Variants in MMP16 observed in about 807,000 individuals in gnomAD.
MMP16 encodes the protein matrix metalloproteinase-16.
In MMP16, 12 loss-of-function variants were observed where a neutral mutation model predicts 67.8. The observed-to-expected ratio is 0.18, with a 90% CI of 0.11 to 0.29. The LOEUF (loss-of-function observed/expected upper bound fraction) is 0.29, where lower values mean the gene tolerates loss of function less well. MMP16 is among the 10% of genes least tolerant of loss of function. The pLI is 1.00. For missense variants in MMP16, 475 were observed against 765.7 expected (o/e 0.62, Z 4.48); for synonymous variants, 249 against 255.9 (o/e 0.97, Z 0.26).
At chr8:88,162,653 G>A (rs531052192) in intron 4 of MMP16, among the ~76,000 whole-genome samples, 2 of 152,126 alleles carry the variant, frequency 1.3e-5, no homozygotes, top group Non-Finnish European at 2.9e-5. Flanking sequence ...TACTGTAGGA[G>A]GGGCCTGGTG....
chr8:88,214,859 C>T (rs557102935), intron 1 of MMP16, among the ~76,000 whole-genome samples: 1 of 152,288 alleles, frequency 6.6e-6, no homozygotes, highest in African/African-American at 2.4e-5. Context: ...TCCCTGTTTA[C>T]TGCCAGTGTG....
intron 4 of MMP16, among the ~76,000 whole-genome samples, chr8:88,119,720 T>C (rs768074650): frequency 3.9e-5 from 6 of 152,072 alleles, no homozygotes; most frequent in Non-Finnish European, 8.8e-5. Context: ...TGGTCTTACA[T>C]CTATATTTTT....
intron 1 of MMP16, among the ~76,000 whole-genome samples, chr8:88,265,247 A>G (rs537481733): frequency 3.7e-4 from 23 of 61,626 alleles, no homozygotes; most frequent in Admixed American, 1.6e-3. Context: ...TTTTTTTCAG[A>G]TACAGACAGA....
intron 1 of MMP16, among the ~76,000 whole-genome samples, chr8:88,289,299 G>T (rs919360038): frequency 1.3e-5 from 2 of 152,148 alleles, no homozygotes. Flanking sequence ...TATCATCTTT[G>T]TATGTTACTA....
intron 6 of MMP16, among the ~76,000 whole-genome samples, chr8:88,100,004 G>A (rs909163335): frequency 2.0e-5 from 3 of 151,854 alleles, no homozygotes; most frequent in African/African-American, 7.2e-5. Context: ...TGTCAGATGA[G>A]TAGATTGCAA....
chr8:88,217,188 GA>G (rs1198055723), intron 1 of MMP16, among the ~76,000 whole-genome samples: 1 of 152,002 alleles, frequency 6.6e-6, no homozygotes, highest in Non-Finnish European at 1.5e-5. Flanking sequence ...ATTTCTCTAA[GA>G]AGCCAGCTGC....
chr8:88,093,169 A>G lies in MMP16; in HGVS notation c.1084-18426T>C, dbSNP rs534969006. On this transcript the variant is annotated intron_variant, in intron 6 of 9. Coordinates refer to ENST00000286614, the MANE Select transcript of MMP16 (RefSeq NM_005941.5). ...GAAAACTTAACACATGTAACAATGTACAATATCAACTACATGCTAGCAAAA... is the reference window on the plus strand; with the variant it reads ...GAAAACTTAACACATGTAACAATGTGCAATATCAACTACATGCTAGCAAAA... Among the ~76,000 whole-genome samples, 236 of 151,982 alleles carry G rather than the reference A, an allele frequency of 1.6e-3. 2 individuals are homozygous for G. The highest frequency in any genetic ancestry group is 3.0e-3 in the Non-Finnish European group (201 of 67,854).
intron 2 of MMP16, among the ~76,000 whole-genome samples, chr8:88,196,946 G>A (rs144378576): frequency 6.6e-6 from 1 of 152,206 alleles, no homozygotes; most frequent in Non-Finnish European, 1.5e-5. Context: ...TTGAAACTAT[G>A]TTGCTAAAAT....
intron 3 of MMP16, among the ~76,000 whole-genome samples, chr8:88,185,702 T>A (rs1284965359): frequency 6.6e-6 from 1 of 152,170 alleles, no homozygotes; most frequent in Non-Finnish European, 1.5e-5. Context: ...TTCCTTCCTA[T>A]GGGTCTTAGT....
intron 1 of MMP16, among the ~76,000 whole-genome samples, chr8:88,289,059 GGTTA>G (rs1810878387): frequency 6.6e-6 from 1 of 152,110 alleles, no homozygotes; most frequent in Admixed American, 6.5e-5. Context: ...CCCAAGTATG[GGTTA>G]GTTAGATAAT....
intron 1 of MMP16, among the ~76,000 whole-genome samples, chr8:88,292,231 C>G (rs1184950948): frequency 1.3e-5 from 2 of 152,154 alleles, no homozygotes; most frequent in Non-Finnish European, 2.9e-5. Flanking sequence ...GTTCAAACCT[C>G]TCTGTGTTAA....
At chr8:88,180,730 T>A (rs1808966430) in intron 3 of MMP16, among the ~76,000 whole-genome samples, 1 of 151,396 alleles carries the variant, frequency 6.6e-6, no homozygotes, top group Non-Finnish European at 1.5e-5. Context: ...CAGATAAAGA[T>A]ACAAAAAAAA....
At chr8:88,130,589 T>C (rs758987283) in intron 4 of MMP16, among the ~76,000 whole-genome samples, 10 of 151,832 alleles carry the variant, frequency 6.6e-5, no homozygotes, top group Admixed American at 1.3e-4. Flanking sequence ...AAATATCTTG[T>C]CTTATTTTTA....
chr8:88,300,834 T>C (rs894408523), intron 1 of MMP16, among the ~76,000 whole-genome samples: 1 of 151,998 alleles, frequency 6.6e-6, no homozygotes. Flanking sequence ...CCTTTTTTTT[T>C]AAGAGCCTGA....
At chr8:88,048,768 T>C (rs1342408819) in intron 8 of MMP16, among the ~76,000 whole-genome samples, 1 of 152,230 alleles carries the variant, frequency 6.6e-6, no homozygotes, top group East Asian at 1.9e-4. Context: ...CTAAAGCTAG[T>C]GTTTTGCCAA....
At chr8:88,239,595 G>C (rs2129897374) in intron 1 of MMP16, among the ~76,000 whole-genome samples, 1 of 151,858 alleles carries the variant, frequency 6.6e-6, no homozygotes, top group African/African-American at 2.4e-5. Flanking sequence ...AAAATCTCAT[G>C]GTTTCCACAG....
chr8:88,032,265 A>C lies in MMP16; in HGVS notation c.*9196T>G, dbSNP rs1807996035. 1 of 152,190 alleles carries C rather than the reference A, an allele frequency of 6.6e-6. No homozygotes were observed. Among genetic ancestry groups the C allele is most frequent in the Non-Finnish European group, 1.5e-5 (1 of 68,048 alleles). 9.4% of individuals were successfully genotyped at this position (152,190 alleles called of 1,614,324 possible). On this transcript the variant is annotated 3_prime_UTR_variant, in exon 10 of 10. Transcript: ENST00000286614. ...TGCCATGGCAAGAACCATGCTGATG[A>C]TTCTAGCTTGTGACATTTGTGTGGT...
intron 6 of MMP16, among the ~76,000 whole-genome samples, chr8:88,091,376 C>G (rs1156824221): frequency 6.6e-6 from 1 of 151,764 alleles, no homozygotes; most frequent in Non-Finnish European, 1.5e-5. Flanking sequence ...TGAGGACAAA[C>G]ACATTAAGGG....
chr8:88,207,336 G>A (rs1809444842), intron 1 of MMP16, among the ~76,000 whole-genome samples: 1 of 152,074 alleles, frequency 6.6e-6, no homozygotes, highest in Non-Finnish European at 1.5e-5. Context: ...ACCTCCTGTT[G>A]CTATTGCAGT....
Sources: gnomAD v4.1 joint callset for allele counts (sites outside exome capture counted in the v4.1 genomes callset) on GRCh38, gnomAD v4.1.1 for gene constraint, MANE v1.5 for transcripts, NCBI Gene and HGNC (gene_info 2026-07-23, HGNC 2026-07-21) for gene names.